Variants in PARD3B observed in about 807,000 individuals in gnomAD.
PARD3B encodes the protein par-3 family cell polarity regulator beta.
PARD3B carries 103 observed loss-of-function variants against 130.2 expected under a neutral mutation model. The ratio of observed to expected loss-of-function variants is 0.79; its 90% CI spans 0.67 to 0.93. The LOEUF (loss-of-function observed/expected upper bound fraction) is 0.93, where lower values mean the gene tolerates loss of function less well. Among genes scored for constraint, PARD3B ranks in the 40% least tolerant of loss-of-function variants. The probability of loss-of-function intolerance (pLI) is 0.00; values close to 1 mark genes in which losing one functional copy is unlikely to be tolerated. For missense variants in PARD3B, 1,609 were observed against 1,499.2 expected (o/e 1.07, Z -1.21); for synonymous variants, 583 against 553.2 (o/e 1.05, Z -0.76).
At chr2:204,859,604 T>C (rs1293432289) in intron 2 of PARD3B, among the ~76,000 whole-genome samples, 1 of 152,174 alleles carries the variant, frequency 6.6e-6, no homozygotes, top group Non-Finnish European at 1.5e-5. Flanking sequence ...TGACATTCAG[T>C]TGAATGTTAA....
At chr2:205,020,699 C>G (rs955356313) in intron 3 of PARD3B, among the ~76,000 whole-genome samples, 3 of 152,084 alleles carry the variant, frequency 2.0e-5, no homozygotes, top group African/African-American at 4.8e-5. Flanking sequence ...TCTTTGAAAC[C>G]TCTGTGTGTT....
chr2:205,047,458 TTAGAAA>T lies in PARD3B; in HGVS notation c.395-117_395-112del, dbSNP rs1698877374. 3 of 578,814 alleles carry T rather than the reference TTAGAAA, an allele frequency of 5.2e-6. No individual in the cohort carries two copies. The African/African-American group carries it at 5.7e-5, about 11-fold the overall frequency. The allele number at this position is 578,814 out of a possible 1,614,324, so 35.9% of individuals were successfully genotyped here. A position where few individuals can be genotyped will look rare whatever the true frequency, so the allele number is the denominator to read the frequency against. ...TAAATGGATTAATTTACAAGCATCC[TTAGAAA>T]TAGAATGTTTTTACATAAAAGCCTG... On this transcript the variant is annotated intron_variant, in intron 3 of 22. Coordinates refer to ENST00000406610, the MANE Select transcript of PARD3B (RefSeq NM_001302769.2).
In PARD3B at chr2:204,906,382, C is replaced by T. The variant is rs966294808; in HGVS notation, c.223-58770C>T. 3.3e-5 allele frequency among the ~76,000 whole-genome samples: 5 copies of T among 152,044 alleles called. No individual in the cohort carries two copies. Among genetic ancestry groups the T allele is most frequent in the African/African-American group, 1.2e-4 (5 of 41,410 alleles). ...TAGTTAGAATGCTAAAGCCCATTTT[C>T]CCCCTTTGTTTTCTCTTTTCATTGG... On this transcript the variant is annotated intron_variant, in intron 2 of 22. Transcript: ENST00000406610. This position sits in a 1 kb window ranked among gnomAD's most constrained non-coding sequence, Gnocchi z 4.3.
At chr2:205,088,845 G>A (rs1284340764) in intron 4 of PARD3B, among the ~76,000 whole-genome samples, 2 of 151,656 alleles carry the variant, frequency 1.3e-5, no homozygotes, top group Middle Eastern at 3.4e-3. Context: ...TCAGGCTGGA[G>A]TGTAGTGGCC....
Position 204,967,202 on chromosome 2 carries a change from T to A in PARD3B, c.394+1879T>A, listed in dbSNP as rs1055482307. ...AGATTAAATGATGAGACTAGCTCAC[T>A]GTTAGGTGGGAAACATTCCCTTCCA... On this transcript the variant is annotated intron_variant, in intron 3 of 22. Coordinates refer to ENST00000406610, the MANE Select transcript of PARD3B (RefSeq NM_001302769.2). The surrounding 1 kb of genome is among the most constrained non-coding windows in gnomAD (Gnocchi z 4.4). Among the ~76,000 whole-genome samples, 2 of 152,226 alleles carry A rather than the reference T, an allele frequency of 1.3e-5. No homozygotes were observed. The highest frequency in any genetic ancestry group is 4.8e-5 in the African/African-American group (2 of 41,442).
At chr2:205,369,443 A>G (rs2044728233) in intron 18 of PARD3B, among the ~76,000 whole-genome samples, 1 of 152,202 alleles carries the variant, frequency 6.6e-6, no homozygotes. Context: ...GCTGGCACAC[A>G]GCTCACCTCC....
intron 19 of PARD3B, among the ~76,000 whole-genome samples, chr2:205,438,088 T>A (rs2106152216): frequency 6.6e-6 from 1 of 152,242 alleles, no homozygotes; most frequent in Non-Finnish European, 1.5e-5. Flanking sequence ...ATAATGATTG[T>A]TCAGAGAAAT....
intron 1 of PARD3B, among the ~76,000 whole-genome samples, chr2:204,668,668 C>T (rs576965640): frequency 1.3e-5 from 2 of 152,246 alleles, no homozygotes; most frequent in South Asian, 4.1e-4. Flanking sequence ...GCTGTTAAGA[C>T]ACCTTTTTCA....
At chr2:205,601,344 T>C (rs1057363133) in intron 22 of PARD3B, among the ~76,000 whole-genome samples, 1 of 152,220 alleles carries the variant, frequency 6.6e-6, no homozygotes, top group African/African-American at 2.4e-5. Flanking sequence ...CACTTTTTAA[T>C]GGGATTTTTT....
rs540836458 is a variant in PARD3B at position 205,097,175 on chromosome 2, G to A, written c.505-7251G>A. On this transcript the variant is annotated intron_variant, in intron 4 of 22. Coordinates refer to ENST00000406610, the MANE Select transcript of PARD3B (RefSeq NM_001302769.2). ...GTTGTGGATATACATCTAGTTATAT[G>A]TGAAATAGTTTGAGATCTTTGAAAG... is the stretch of plus-strand genomic sequence containing the variant. 4.6e-5 allele frequency among the ~76,000 whole-genome samples: 7 copies of A among 152,274 alleles called. No individual in the cohort carries two copies. The East Asian group carries it at 1.4e-3, about 29-fold the overall frequency.
chr2:204,864,252 TG>T (rs2125633974), intron 2 of PARD3B, among the ~76,000 whole-genome samples: 1 of 152,256 alleles, frequency 6.6e-6, no homozygotes, highest in East Asian at 1.9e-4. Flanking sequence ...AGCTTTACAA[TG>T]GGACCCATTT....
chr2:204,670,159 G>C (rs1414497873), intron 1 of PARD3B, among the ~76,000 whole-genome samples: 1 of 152,122 alleles, frequency 6.6e-6, no homozygotes, highest in East Asian at 1.9e-4. Context: ...TAAAATCAAA[G>C]TAATGCTTAC....
At chr2:204,891,121 C>A (rs2046427499) in intron 2 of PARD3B, among the ~76,000 whole-genome samples, 1 of 151,992 alleles carries the variant, frequency 6.6e-6, no homozygotes, top group African/African-American at 2.4e-5. Context: ...CCACCCAGGA[C>A]CCGATATGGA....
intron 21 of PARD3B, among the ~76,000 whole-genome samples, chr2:205,537,776 C>A (rs1184113590): frequency 6.6e-6 from 1 of 152,174 alleles, no homozygotes; most frequent in East Asian, 1.9e-4. Context: ...TATGTGATCC[C>A]AAACTGTTCA....
chr2:204,595,186 G>A (rs547714262), intron 1 of PARD3B, among the ~76,000 whole-genome samples: 1 of 152,300 alleles, frequency 6.6e-6, no homozygotes, highest in African/African-American at 2.4e-5. Flanking sequence ...TGCTTAAGAA[G>A]TCATCACCTT....
chr2:205,284,180 A>G (rs961492335), intron 16 of PARD3B, among the ~76,000 whole-genome samples: 4 of 152,192 alleles, frequency 2.6e-5, no homozygotes, highest in African/African-American at 9.7e-5. Flanking sequence ...GCTTCCCTTG[A>G]AAGAAAATCG....
At position 205,496,689 on chromosome 2, in the gene PARD3B, A is replaced by G. The variant is rs111259243; in HGVS notation, c.3045-3207A>G. ...TGAGAACAGCAATCTGATCAAACCC[A>G]TATTTTTAAATTTATGCATTTATAG... is the stretch of plus-strand genomic sequence containing the variant. On this transcript the variant is annotated intron_variant, in intron 20 of 22. Coordinates refer to ENST00000406610, the MANE Select transcript of PARD3B (RefSeq NM_001302769.2). 8.5e-4 allele frequency among the ~76,000 whole-genome samples: 129 copies of G among 152,226 alleles called. 1 individual carries two copies. Among genetic ancestry groups the G allele is most frequent in the Middle Eastern group, 3.4e-3 (1 of 294 alleles).
At chr2:205,238,215 C>G (rs762351983) in intron 15 of PARD3B, among the ~76,000 whole-genome samples, 10 of 152,268 alleles carry the variant, frequency 6.6e-5, no homozygotes, top group Non-Finnish European at 8.8e-5. Flanking sequence ...GTGAAACAGA[C>G]CCGTGCACAA....
intron 2 of PARD3B, among the ~76,000 whole-genome samples, chr2:204,702,782 G>T (rs549643351): frequency 7.9e-5 from 12 of 152,156 alleles, no homozygotes; most frequent in African/African-American, 2.6e-4. Flanking sequence ...TGCCATGTTG[G>T]CCAGGCTGGT....
Sources: allele counts gnomAD v4.1 joint callset (sites outside exome capture counted in the v4.1 genomes callset), GRCh38; gene constraint gnomAD v4.1.1; non-coding constraint Gnocchi (gnomAD v3.1); transcripts MANE v1.5; gene names NCBI Gene and HGNC (gene_info 2026-07-23, HGNC 2026-07-21).